Variants in LARGE1 observed in about 807,000 individuals in gnomAD.
LARGE1 encodes the protein LARGE xylosyl- and glucuronyltransferase 1.
In LARGE1, 43 loss-of-function variants were observed where a neutral mutation model predicts 87.6. The ratio of observed to expected loss-of-function variants is 0.49; its 90% CI spans 0.38 to 0.63. The LOEUF is 0.63. LARGE1 is among the 30% of genes least tolerant of loss of function. The pLI is 0.00. For synonymous variants in LARGE1, 434 were observed against 394.6 expected (o/e 1.10, Z -1.18); for missense variants, 802 against 1,000.2 (o/e 0.80, Z 2.67).
chr22:33,388,016 T>G (rs1353687809), intron 7 of LARGE1, among the ~76,000 whole-genome samples: 1 of 152,254 alleles, frequency 6.6e-6, no homozygotes, highest in Non-Finnish European at 1.5e-5. Flanking sequence ...TTTTATATTT[T>G]TATCCTCTAT....
In LARGE1 at chr22:33,277,248, C is replaced by A; in HGVS notation, c.1885G>T (p.Val629Phe). 1 of 1,614,142 alleles carries A rather than the reference C, an allele frequency of 6.2e-7. No homozygotes were observed. Among genetic ancestry groups the A allele is most frequent in the South Asian group, 1.1e-5 (1 of 91,062 alleles). The change falls in exon 14 of 15, where the codon GTC becomes TTC. Residue 629 changes from valine to phenylalanine, a missense_variant. Physicochemically the swap from Val to Phe is conservative, Grantham distance 50. Coordinates refer to ENST00000397394, the MANE Select transcript of LARGE1 (RefSeq NM_133642.5). ...MGTLFTFRYH[V>F]WTKGHAPTNF... ...GTGGGTGCGTGGCCTTTCGTCCAGA[C>A]GTGGTACCTGAGACACACGGAGAAA...
rs959727032 is a variant in LARGE1 at position 33,387,703 on chromosome 22, G to A, written c.893-3399C>T. ...ATTTGCCAGGTTGCCTGAAAAGTCG[G>A]AATGTCTAAAACAGATGACTAAATG... On this transcript the variant is annotated intron_variant, in intron 7 of 14. Coordinates refer to ENST00000397394, the MANE Select transcript of LARGE1 (RefSeq NM_133642.5). Among the ~76,000 whole-genome samples the A allele has an allele frequency of 2.0e-5, 3 of 152,168 alleles. No homozygotes were observed. The South Asian group carries it at 6.2e-4, about 31-fold the overall frequency.
chr22:33,393,915 C>T (rs528201170), intron 7 of LARGE1, among the ~76,000 whole-genome samples: 17 of 152,270 alleles, frequency 1.1e-4, no homozygotes, highest in African/African-American at 4.1e-4. Flanking sequence ...AACATCTGGT[C>T]AAGTAGCAGG....
At chr22:33,718,764 A>G (rs993956252) in intron 2 of LARGE1, among the ~76,000 whole-genome samples, 2 of 152,152 alleles carry the variant, frequency 1.3e-5, no homozygotes, top group Non-Finnish European at 2.9e-5. Flanking sequence ...TAAAGTGTGT[A>G]CTTGTATCTT....
intron 5 of LARGE1, among the ~76,000 whole-genome samples, chr22:33,565,409 T>C (rs925015198): frequency 2.6e-5 from 4 of 152,250 alleles, no homozygotes; most frequent in African/African-American, 9.6e-5. Context: ...CAGTATCAAA[T>C]TGTTCCTATG....
intron 10 of LARGE1, among the ~76,000 whole-genome samples, chr22:33,318,253 T>C (rs896036969): frequency 5.5e-5 from 8 of 144,880 alleles, no homozygotes. Flanking sequence ...AAAAAAAGAA[T>C]GGGAGGACTT....
At chr22:33,170,625 GGAA>G (rs1307976269) in intron 11 of LARGE1, among the ~76,000 whole-genome samples, 1 of 152,126 alleles carries the variant, frequency 6.6e-6, no homozygotes, top group Non-Finnish European at 1.5e-5. Context: ...TGCCCCCTTG[GGAA>G]GAAGGTACTT....
chr22:33,541,706 C>G (rs190505176), intron 6 of LARGE1, among the ~76,000 whole-genome samples: 1 of 148,184 alleles, frequency 6.7e-6, no homozygotes, highest in Non-Finnish European at 1.5e-5. Context: ...GAGTCATCGT[C>G]TTACTGTTCT....
At chr22:33,438,508 C>T (rs898912978) in intron 6 of LARGE1, among the ~76,000 whole-genome samples, 6 of 152,192 alleles carry the variant, frequency 3.9e-5, no homozygotes, top group African/African-American at 4.8e-5. Flanking sequence ...CAGACAAGAG[C>T]GAACAAGCTT....
the LARGE1 span, among the ~76,000 whole-genome samples, chr22:33,080,900 A>G: frequency 6.6e-6 from 1 of 152,144 alleles, no homozygotes; most frequent in African/African-American, 2.4e-5. Flanking sequence ...TGCACTCAAA[A>G]GTCATCCATC....
chr22:33,892,049 A>G (rs143471847), intron 1 of LARGE1, among the ~76,000 whole-genome samples: 2 of 152,098 alleles, frequency 1.3e-5, no homozygotes, highest in Admixed American at 6.6e-5. Context: ...AGAGTTCACA[A>G]TCTTGTCCTG....
chr22:33,622,897 C>T (rs1016420229), intron 4 of LARGE1, among the ~76,000 whole-genome samples: 1 of 152,174 alleles, frequency 6.6e-6, no homozygotes, highest in Non-Finnish European at 1.5e-5. Flanking sequence ...AATATTACTA[C>T]CGCTATTTTT....
chr22:33,878,666 C>T (rs1223902600), intron 1 of LARGE1, among the ~76,000 whole-genome samples: 1 of 152,178 alleles, frequency 6.6e-6, no homozygotes, highest in Non-Finnish European at 1.5e-5. Context: ...CCAGATCTAA[C>T]TCAATGCTGA....
chr22:33,430,206 T>C (rs969703377), intron 7 of LARGE1, among the ~76,000 whole-genome samples: 1 of 152,208 alleles, frequency 6.6e-6, no homozygotes, highest in African/African-American at 2.4e-5. Flanking sequence ...TCCTCTGGTA[T>C]AGACTAGTTT....
intron 1 of LARGE1, among the ~76,000 whole-genome samples, chr22:33,889,970 A>G (rs1363936082): frequency 6.6e-6 from 1 of 152,208 alleles, no homozygotes; most frequent in East Asian, 1.9e-4. Context: ...CAGCCATGTC[A>G]GTGCTGAAAG....
At chr22:33,529,505 T>C (rs905496709) in intron 6 of LARGE1, among the ~76,000 whole-genome samples, 1 of 152,222 alleles carries the variant, frequency 6.6e-6, no homozygotes, top group Admixed American at 6.5e-5. Flanking sequence ...CCAACGTGCC[T>C]AGCTATTAAC....
rs138573955 is a variant in LARGE1, at chr22:33,304,303, C to T, written c.1656G>A (p.Lys552=). 4.0e-5 allele frequency: 64 copies of T among 1,614,152 alleles called. No individual in the cohort carries two copies. Among genetic ancestry groups the T allele is most frequent in the Non-Finnish European group, 5.0e-5 (59 of 1,180,052 alleles). Residue 552 remains lysine, a synonymous_variant, in exon 12 of 15, where the codon AAG becomes AAA. Transcript: ENST00000397394. ...PVNLLRNVAM[K]HISTPYMFLS... The stretch of plus-strand genomic sequence containing the variant: ...GGAACATGTAGGGAGTGCTGATGTG[C>T]TTCATGGCCACGTTGCGCAGCAGGT...
chr22:33,394,844 T>C (rs2065670282), intron 7 of LARGE1, among the ~76,000 whole-genome samples: 1 of 151,796 alleles, frequency 6.6e-6, no homozygotes, highest in Non-Finnish European at 1.5e-5. Flanking sequence ...GGAGGAGCAG[T>C]AAGTAAATGT....
intron 12 of LARGE1, among the ~76,000 whole-genome samples, chr22:33,303,485 C>A (rs11914147): frequency 6.6e-6 from 1 of 152,156 alleles, no homozygotes; most frequent in African/African-American, 2.4e-5. Flanking sequence ...CAGTGCCTGG[C>A]GCGCAGCAAA....
Sources: allele counts gnomAD v4.1 joint callset (sites outside exome capture counted in the v4.1 genomes callset), GRCh38; gene constraint gnomAD v4.1.1; transcripts MANE v1.5; gene names NCBI Gene and HGNC (gene_info 2026-07-23, HGNC 2026-07-21).